The following CNGB3 variants were observed in gnomAD, a reference collection of about 807,000 sequenced individuals.
The protein encoded by CNGB3 is cyclic nucleotide gated channel subunit beta 3.
In CNGB3, 86 loss-of-function variants were observed where a neutral mutation model predicts 92.8. The observed-to-expected ratio is 0.93, with a 90% CI of 0.78 to 1.11. CNGB3 has a LOEUF of 1.11. Ranked by LOEUF, CNGB3 falls within the 50% of genes least tolerant of loss-of-function variation. The pLI is 0.00. For synonymous variants in CNGB3, 333 were observed against 332.7 expected (o/e 1.00, Z -0.01); for missense variants, 1,026 against 956.8 (o/e 1.07, Z -0.95).
chr8:86,742,836 A>T (rs866073309), intron 1 of CNGB3, among the ~76,000 whole-genome samples: 40 of 152,342 alleles, frequency 2.6e-4, no homozygotes, highest in Admixed American at 2.0e-3. Context: ...CAAAGCAGAA[A>T]TTATCATATA....
At chr8:86,669,215 T>A (rs1823808587) in intron 4 of CNGB3, among the ~76,000 whole-genome samples, 1 of 152,046 alleles carries the variant, frequency 6.6e-6, no homozygotes, top group African/African-American at 2.4e-5. Flanking sequence ...TTGTGGATTT[T>A]ACAGTTTTTA....
chr8:86,699,504 C>CATACA (rs1407754190), intron 3 of CNGB3, among the ~76,000 whole-genome samples: 1 of 152,068 alleles, frequency 6.6e-6, no homozygotes, highest in Non-Finnish European at 1.5e-5. Context: ...ATAAAAAAGA[C>CATACA]TACTGAATGT....
chr8:86,619,440 A>AAT (rs754003715), intron 13 of CNGB3, among the ~76,000 whole-genome samples: 13 of 152,018 alleles, frequency 8.6e-5, no homozygotes, highest in East Asian at 3.9e-4. Context: ...GTGAAAAATT[A>AAT]ATATATATAT....
At chr8:86,634,358 T>A (rs1327443021) in intron 10 of CNGB3, among the ~76,000 whole-genome samples, 1 of 152,194 alleles carries the variant, frequency 6.6e-6, no homozygotes, top group Non-Finnish European at 1.5e-5. Context: ...ACATTTAAGT[T>A]AGGTTAGGCT....
At chr8:86,719,287 A>G (rs894033687) in intron 3 of CNGB3, among the ~76,000 whole-genome samples, 20 of 152,134 alleles carry the variant, frequency 1.3e-4, no homozygotes, top group African/African-American at 4.3e-4. Context: ...ACTCACTCAT[A>G]AAGGTCCTAG....
intron 6 of CNGB3, among the ~76,000 whole-genome samples, chr8:86,663,646 G>C (rs1823687271): frequency 6.6e-6 from 1 of 152,196 alleles, no homozygotes; most frequent in African/African-American, 2.4e-5. Context: ...ATGATTCAGT[G>C]GTGTTACCAA....
At chr8:86,618,175 T>C (rs749269712) in intron 13 of CNGB3, among the ~76,000 whole-genome samples, 4 of 152,220 alleles carry the variant, frequency 2.6e-5, no homozygotes, top group Non-Finnish European at 5.9e-5. Context: ...TGGGTGGTAA[T>C]GCCAGCAATG....
chr8:86,668,814 T>G (rs1244504518), intron 4 of CNGB3, among the ~76,000 whole-genome samples: 1 of 152,114 alleles, frequency 6.6e-6, no homozygotes, highest in East Asian at 1.9e-4. Flanking sequence ...GAGGGAAATG[T>G]CCTTTATCTT....
At chr8:86,634,146 A>G (rs915473246) in intron 10 of CNGB3, among the ~76,000 whole-genome samples, 1 of 152,224 alleles carries the variant, frequency 6.6e-6, no homozygotes, top group African/African-American at 2.4e-5. Flanking sequence ...AGTCCTTAAC[A>G]TACTATGGTT....
intron 15 of CNGB3, among the ~76,000 whole-genome samples, chr8:86,596,121 T>C (rs997804239): frequency 1.3e-5 from 2 of 152,314 alleles, no homozygotes; most frequent in African/African-American, 4.8e-5. Flanking sequence ...AATGGGCCCA[T>C]AGGAAATCAA....
At chr8:86,669,064 G>C (rs1335079487) in intron 4 of CNGB3, among the ~76,000 whole-genome samples, 1 of 151,972 alleles carries the variant, frequency 6.6e-6, no homozygotes, top group African/African-American at 2.4e-5. Context: ...TAAAATGTTT[G>C]TCTACACTGA....
chr8:86,647,314 G>A (rs1488441344), intron 8 of CNGB3, among the ~76,000 whole-genome samples: 1 of 150,768 alleles, frequency 6.6e-6, no homozygotes, highest in Non-Finnish European at 1.5e-5. Flanking sequence ...GAAAGTATGT[G>A]CTCACATACT....
intron 13 of CNGB3, among the ~76,000 whole-genome samples, chr8:86,624,433 A>C (rs34441733): frequency 0.054 from 8,159 of 152,092 alleles, 296 homozygotes; most frequent in South Asian, 0.078. Context: ...TAAATAAATA[A>C]ATAAGTAAAT....
chr8:86,576,943 T>G (rs1187585686), intron 17 of CNGB3, among the ~76,000 whole-genome samples: 2 of 152,206 alleles, frequency 1.3e-5, no homozygotes, highest in East Asian at 1.9e-4. Flanking sequence ...TTTTCATCTT[T>G]TGTATGTGAC....
intron 2 of CNGB3, among the ~76,000 whole-genome samples, chr8:86,736,599 G>A (rs1825253849): frequency 1.3e-5 from 2 of 152,064 alleles, no homozygotes; most frequent in South Asian, 4.1e-4. Context: ...AAGAATTGTA[G>A]TTTGAATTAT....
intron 3 of CNGB3, among the ~76,000 whole-genome samples, chr8:86,694,844 C>T (rs1824415159): frequency 6.6e-6 from 1 of 151,924 alleles, no homozygotes; most frequent in East Asian, 2.0e-4. Flanking sequence ...GGGCTCCTCA[C>T]GTCCCAGACG....
At chr8:86,664,058 T>C (rs1379239592) in intron 6 of CNGB3, among the ~76,000 whole-genome samples, 1 of 152,224 alleles carries the variant, frequency 6.6e-6, no homozygotes, top group African/African-American at 2.4e-5. Flanking sequence ...ACTTCTTATT[T>C]GTACACCGTC....
intron 6 of CNGB3, among the ~76,000 whole-genome samples, chr8:86,656,277 CAGTT>C (rs2131604755): frequency 6.6e-6 from 1 of 152,238 alleles, no homozygotes; most frequent in East Asian, 1.9e-4. Flanking sequence ...AAGTGCTAGA[CAGTT>C]AAGTTAAAAT....
intron 3 of CNGB3, among the ~76,000 whole-genome samples, chr8:86,697,057 G>A (rs1554616262): frequency 6.6e-6 from 1 of 151,554 alleles, no homozygotes; most frequent in African/African-American, 2.4e-5. Context: ...AAAGAAAGAA[G>A]GAAGAGAAGA....
Sources: allele counts gnomAD v4.1 joint callset (sites outside exome capture counted in the v4.1 genomes callset), GRCh38; gene constraint gnomAD v4.1.1; transcripts MANE v1.5; gene names NCBI Gene and HGNC (gene_info 2026-07-23, HGNC 2026-07-21).